NDUFA10: variants seen among roughly 807,000 people sequenced by gnomAD.
NDUFA10 encodes the protein NADH dehydrogenase [ubiquinone] 1 alpha subcomplex subunit 10, mitochondrial.
A neutral mutation model predicts 47.8 loss-of-function variants in NDUFA10; 40 were observed. The ratio of observed to expected loss-of-function variants is 0.84; its 90% CI spans 0.65 to 1.09. The LOEUF (loss-of-function observed/expected upper bound fraction) is 1.09, where lower values mean the gene tolerates loss of function less well. Among genes scored for constraint, NDUFA10 ranks in the 50% least tolerant of loss-of-function variants. NDUFA10 has a pLI of 0.00. For synonymous variants in NDUFA10, 183 were observed against 172.2 expected (o/e 1.06, Z -0.49); for missense variants, 413 against 451.1 (o/e 0.92, Z 0.76).
intron 4 of NDUFA10, among the ~76,000 whole-genome samples, chr2:239,901,049 T>C (rs534479494): frequency 2.0e-5 from 3 of 152,324 alleles, no homozygotes; most frequent in African/African-American, 7.2e-5. Flanking sequence ...TCTAGGACTT[T>C]CATAGCTAGA....
At position 239,928,864 on chromosome 2, in the gene NDUFA10, G is replaced by GATCCTCCGCGA. The variant is rs1447947047; in HGVS notation, c.295-33561_295-33551dup. 3.3e-5 allele frequency among the ~76,000 whole-genome samples: 5 copies of GATCCTCCGCGA among 152,150 alleles called. No individual in the cohort carries two copies. The highest frequency in any genetic ancestry group is 2.6e-4 in the Admixed American group (4 of 15,278). On this transcript the variant is annotated intron_variant, in intron 4 of 5. Transcript: ENST00000419408. The surrounding 1 kb of genome is among the most constrained non-coding windows in gnomAD (Gnocchi z 4.3). ...CTTCACCCCACTCCTCCCATCAGCG[G>GATCCTCCGCGA]ATCCTCCGCGAATCCTCCCAGCCTT...
intron 4 of NDUFA10, chr2:240,018,042 T>C (rs992821336): frequency 4.2e-6 from 3 of 714,374 alleles, no homozygotes; most frequent in Non-Finnish European, 7.1e-6. Context: ...GGGGTCTTTG[T>C]TCCTTTCCAT....
chr2:239,990,559 A>G (rs992321241), intron 8 of NDUFA10, among the ~76,000 whole-genome samples: 1 of 152,244 alleles, frequency 6.6e-6, no homozygotes, highest in Non-Finnish European at 1.5e-5. Flanking sequence ...GCTACACACA[A>G]AGCATGCCCC....
chr2:239,899,072 T>TG, intron 4 of NDUFA10, among the ~76,000 whole-genome samples: 1 of 43,018 alleles, frequency 2.3e-5, no homozygotes, highest in Non-Finnish European at 5.0e-5. Flanking sequence ...TGGAGGGGTG[T>TG]GATGGAGGAG....
chr2:239,927,043 G>C (rs770160625), intron 4 of NDUFA10, among the ~76,000 whole-genome samples: 1 of 152,034 alleles, frequency 6.6e-6, no homozygotes. Flanking sequence ...ACGATTCAAC[G>C]GCCTCCCACC....
chr2:239,988,899 C>G (rs1034818777), intron 9 of NDUFA10, among the ~76,000 whole-genome samples: 2 of 138,228 alleles, frequency 1.4e-5, no homozygotes, highest in Non-Finnish European at 3.1e-5. Context: ...GAAAGGGAGA[C>G]ACAGCACACA....
chr2:239,898,322 CAGG>C (rs1693439102), intron 4 of NDUFA10, among the ~76,000 whole-genome samples: 1 of 152,246 alleles, frequency 6.6e-6, no homozygotes, highest in South Asian at 2.1e-4. Context: ...TTACAGCACT[CAGG>C]AGGTGCTCAG....
At position 239,897,179 on chromosome 2, in the gene NDUFA10, C is replaced by T. The variant is rs139414021; in HGVS notation, c.295-1865G>A. ...TTCGTATCCCTTCTTTTCATTTCTT[C>T]GAGCAATATGGAAAATTTCCCAGCA... On this transcript the variant is annotated intron_variant, in intron 4 of 5. Transcript: ENST00000419408. Among the ~76,000 whole-genome samples, 68 of 152,250 alleles carry T rather than the reference C, an allele frequency of 4.5e-4. No homozygotes were observed. The East Asian group carries it at 5.0e-3, about 11-fold the overall frequency.
intron 9 of NDUFA10, among the ~76,000 whole-genome samples, chr2:239,977,216 C>A (rs1695563180): frequency 6.6e-6 from 1 of 152,226 alleles, no homozygotes; most frequent in Non-Finnish European, 1.5e-5. Flanking sequence ...TGGACCCCAA[C>A]TGCCGTCTTC....
intron 4 of NDUFA10, among the ~76,000 whole-genome samples, chr2:239,937,530 C>T (rs1694284484): frequency 6.6e-6 from 1 of 152,200 alleles, no homozygotes; most frequent in African/African-American, 2.4e-5. Context: ...CAGCTTCATT[C>T]ATTTTATGGC....
intron 4 of NDUFA10, among the ~76,000 whole-genome samples, chr2:239,905,031 C>A (rs1693621940): frequency 6.6e-6 from 1 of 152,260 alleles, no homozygotes; most frequent in Non-Finnish European, 1.5e-5. Flanking sequence ...AAACCTTTAA[C>A]TGAGCTACAA....
chr2:239,920,877 G>C (rs1433232593), intron 4 of NDUFA10, among the ~76,000 whole-genome samples: 4 of 152,180 alleles, frequency 2.6e-5, no homozygotes, highest in African/African-American at 9.7e-5. Context: ...CTGGTCATTG[G>C]CTGCCCCCTT....
chr2:240,006,528 A>C (rs996917362), intron 7 of NDUFA10, among the ~76,000 whole-genome samples: 1 of 152,206 alleles, frequency 6.6e-6, no homozygotes, highest in African/African-American at 2.4e-5. Flanking sequence ...TCACACTTCA[A>C]GACCAGATCC....
chr2:239,916,163 AC>A (rs1389488095), intron 4 of NDUFA10, among the ~76,000 whole-genome samples: 2 of 150,766 alleles, frequency 1.3e-5, no homozygotes, highest in Non-Finnish European at 3.0e-5. Context: ...AGAGAGACAC[AC>A]AGAGATACTC....
intron 4 of NDUFA10, among the ~76,000 whole-genome samples, chr2:239,938,867 AC>A (rs35778821): frequency 0.32 from 49,338 of 152,096 alleles, 8,183 homozygotes; most frequent in Non-Finnish European, 0.36. Flanking sequence ...GAGCTGAGCA[AC>A]ACATACCCAG....
chr2:239,905,800 G>A (rs1222440574), intron 4 of NDUFA10, among the ~76,000 whole-genome samples: 1 of 102,116 alleles, frequency 9.8e-6, no homozygotes, highest in African/African-American at 3.7e-5. Flanking sequence ...AGCGGGGAGA[G>A]GAGGGGAGGG....
chr2:239,997,795 A>G (rs974344214), intron 8 of NDUFA10, among the ~76,000 whole-genome samples: 2 of 152,260 alleles, frequency 1.3e-5, no homozygotes, highest in East Asian at 3.8e-4. Flanking sequence ...AGCTATATAC[A>G]GTTTCCATCA....
intron 4 of NDUFA10, among the ~76,000 whole-genome samples, chr2:239,932,793 G>A (rs1280328777): frequency 1.3e-5 from 2 of 152,158 alleles, no homozygotes; most frequent in South Asian, 2.1e-4. Flanking sequence ...GTGTTAGCCA[G>A]GATGGTCTCA....
intron 8 of NDUFA10, among the ~76,000 whole-genome samples, chr2:239,995,002 C>T (rs1015507617): frequency 3.3e-5 from 5 of 152,106 alleles, no homozygotes; most frequent in South Asian, 2.1e-4. Flanking sequence ...AGGCCGGGTG[C>T]GGCGACTCAT....
Sources: allele counts gnomAD v4.1 joint callset (sites outside exome capture counted in the v4.1 genomes callset), GRCh38; gene constraint gnomAD v4.1.1; non-coding constraint Gnocchi (gnomAD v3.1); transcripts MANE v1.5; gene names NCBI Gene and HGNC (gene_info 2026-07-23, HGNC 2026-07-21).